The following NPHP4 variants were observed in gnomAD, a reference collection of about 807,000 sequenced individuals.
The protein encoded by NPHP4 is nephrocystin-4.
NPHP4 carries 151 observed loss-of-function variants against 155.8 expected under a neutral mutation model. The ratio of observed to expected loss-of-function variants is 0.97; its 90% CI spans 0.85 to 1.11. The LOEUF (loss-of-function observed/expected upper bound fraction) is 1.11, where lower values mean the gene tolerates loss of function less well. Among genes scored for constraint, NPHP4 ranks in the 50% least tolerant of loss-of-function variants. The pLI, the probability that NPHP4 is intolerant of heterozygous loss-of-function variation, is 0.00. For missense variants in NPHP4, 1,956 were observed against 1,925.7 expected (o/e 1.02, Z -0.29); for synonymous variants, 845 against 816.8 (o/e 1.03, Z -0.59).
At chr1:5,912,887 C>A (rs1210234216) in intron 11 of NPHP4, among the ~76,000 whole-genome samples, 1 of 152,140 alleles carries the variant, frequency 6.6e-6, no homozygotes, top group Non-Finnish European at 1.5e-5. Flanking sequence ...GGGGAATCAG[C>A]GTCTGGCTGA....
rs780500004 is a variant in NPHP4, at chr1:5,890,935, G to A, written c.2237C>T (p.Thr746Ile). ...RCFARYLAVQ[T>I]LQIDVWDGDS... is the part of the protein sequence containing the mutation. Reference sequence around the variant, plus strand: ...TCCGTCCCAGACGTCAATCTGCAGGGTCTGCACGGCCAGGTAGCGGGCAAA... The same window carrying A: ...TCCGTCCCAGACGTCAATCTGCAGGATCTGCACGGCCAGGTAGCGGGCAAA... The change falls in exon 17 of 30, where the codon ACC becomes ATC. Residue 746 changes from threonine to isoleucine, a missense_variant. By Grantham distance (89) the Thr-to-Ile change is moderately conservative. Transcript: ENST00000378156. This position sits in a 1 kb window ranked among gnomAD's most constrained non-coding sequence, Gnocchi z 4.9. The A allele has an allele frequency of 3.7e-6, 6 of 1,608,490 alleles. No homozygotes were observed. Among genetic ancestry groups the A allele is most frequent in the Non-Finnish European group, 5.1e-6 (6 of 1,176,616 alleles).
intron 7 of NPHP4, 62 bp from the exon 8 acceptor site, chr1:5,948,313 T>C: frequency 7.6e-7 from 1 of 1,312,856 alleles, no homozygotes; most frequent in South Asian, 1.5e-5. Flanking sequence ...TCGCCAGAAG[T>C]CCCTGGGGGA....
At chr1:5,919,602 C>G (rs949569154) in intron 11 of NPHP4, among the ~76,000 whole-genome samples, 4 of 152,204 alleles carry the variant, frequency 2.6e-5, no homozygotes, top group African/African-American at 9.7e-5. Context: ...CCATCTGAGT[C>G]AGCATGCCCT....
rs182549814 is a variant in NPHP4 at position 5,940,255 on chromosome 1, G to A, written c.1119+6849C>T. On this transcript the variant is annotated intron_variant, in intron 9 of 29. Transcript: ENST00000378156. The stretch of plus-strand genomic sequence containing the variant: ...GGGAATGGGCCTCTTCTACAAGGAC[G>A]AGTTCAGCCCCCCTTTCTCTTGCTC... Among the ~76,000 whole-genome samples, 3 of 152,222 alleles carry A rather than the reference G, an allele frequency of 2.0e-5. No homozygotes were observed. In the East Asian group the frequency reaches 5.8e-4, roughly 29 times the overall value.
rs1384454273 is a variant in NPHP4 at position 5,926,710 on chromosome 1, G to A, written c.1441+939C>T. ...ATGAAGAAAACCCCTCCTGAGTGATGGAAGCACCAGCAGCTTTGTAGCAGG... is the reference window on the plus strand; with the variant it reads ...ATGAAGAAAACCCCTCCTGAGTGATAGAAGCACCAGCAGCTTTGTAGCAGG... On this transcript the variant is annotated intron_variant, in intron 11 of 29. Transcript: ENST00000378156. Among the ~76,000 whole-genome samples the A allele has an allele frequency of 1.3e-5, 2 of 152,194 alleles. 1 individual carries two copies. The highest frequency in any genetic ancestry group is 3.8e-4 in the East Asian group (2 of 5,198).
At chr1:5,879,064 G>A (rs1251817309) in intron 19 of NPHP4, among the ~76,000 whole-genome samples, 2 of 152,182 alleles carry the variant, frequency 1.3e-5, no homozygotes, top group African/African-American at 4.8e-5. Context: ...AGCCCCTCAT[G>A]TCTGCTCCCA....
rs1557700402 is a variant in NPHP4 at position 5,905,642 on chromosome 1, G to A, written c.1753C>T (p.Gln585Ter). 6.2e-7 allele frequency: 1 copy of A among 1,613,906 alleles called. No homozygotes were observed. The highest frequency in any genetic ancestry group is 8.5e-7 in the Non-Finnish European group (1 of 1,179,860). The part of the protein sequence containing the change: ...PLHAPIVVGT[Q>*]TRSSAGQPSR... ...AGACCCACACCTCACCTCCTGGTCT[G>A]GGTTCCCACAACAATAGGGGCATGC... Residue 585 changes from glutamine to a stop codon, truncating the protein, a stop_gained, in exon 14 of 30, where the codon CAG becomes TAG. Coordinates refer to ENST00000378156, the MANE Select transcript of NPHP4 (RefSeq NM_015102.5). LOFTEE classifies it high-confidence loss of function. This position sits in a 1 kb window ranked among gnomAD's most constrained non-coding sequence, Gnocchi z 4.0.
At chr1:5,877,019 G>T in intron 20 of NPHP4, 74 bp downstream of exon 20, 1 of 1,001,468 alleles carries the variant, frequency 1.0e-6, no homozygotes, top group Non-Finnish European at 1.3e-6. Flanking sequence ...CATGTGGGAG[G>T]CAGGGAAAGG....
intron 9 of NPHP4, among the ~76,000 whole-genome samples, chr1:5,941,396 C>G (rs1646809647): frequency 6.7e-6 from 1 of 149,574 alleles, no homozygotes; most frequent in East Asian, 2.0e-4. Flanking sequence ...TTTTCCCTGA[C>G]TCAAAATCCA....
intron 9 of NPHP4, 86 bp downstream of exon 9, chr1:5,947,018 G>T: frequency 7.1e-7 from 1 of 1,411,848 alleles, no homozygotes. Flanking sequence ...TGTTTTTAAT[G>T]GAAAAAGCAT....
At chr1:5,874,788 C>T in intron 21 of NPHP4, 86 bp downstream of exon 21, 1 of 1,537,892 alleles carries the variant, frequency 6.5e-7, no homozygotes, top group Non-Finnish European at 8.9e-7. Context: ...GGCTCTCGGG[C>T]AGAATTCGAG....
chr1:5,921,269 C>T (rs548175437), intron 11 of NPHP4, among the ~76,000 whole-genome samples: 1 of 152,364 alleles, frequency 6.6e-6, no homozygotes, highest in African/African-American at 2.4e-5. Context: ...TTTATCCATT[C>T]CCTGACTGGG....
rs555681729 is a variant in NPHP4, at chr1:5,917,504, C to T, written c.1442-8291G>A. Among the ~76,000 whole-genome samples the T allele has an allele frequency of 2.0e-5, 3 of 152,322 alleles. No individual in the cohort carries two copies. In the South Asian group the frequency reaches 6.2e-4, roughly 32 times the overall value. ...GGGATCCAGCCATGCCTAACATCAG[C>T]TCTACCTCTAGGCTTTTCTGACACA... is the stretch of plus-strand genomic sequence containing the variant. On this transcript the variant is annotated intron_variant, in intron 11 of 29. Coordinates refer to ENST00000378156, the MANE Select transcript of NPHP4 (RefSeq NM_015102.5).
intron 11 of NPHP4, among the ~76,000 whole-genome samples, chr1:5,913,105 C>T (rs150680594): frequency 0.027 from 4,097 of 149,350 alleles, 183 homozygotes; most frequent in African/African-American, 0.096. Flanking sequence ...GAGCAGAGAT[C>T]GCGCCACTGC....
chr1:5,946,540 G>C (rs1298494079), intron 9 of NPHP4, among the ~76,000 whole-genome samples: 1 of 152,236 alleles, frequency 6.6e-6, no homozygotes. Context: ...CCAGCCAGCA[G>C]AATGCACCTG....
chr1:5,969,337 G>A (rs1300176534), intron 3 of NPHP4, 78 bp from the exon 4 acceptor site: 6 of 918,910 alleles, frequency 6.5e-6, no homozygotes, highest in Non-Finnish European at 7.8e-6. Flanking sequence ...CCCCACCCCC[G>A]AGACCGCCTT....
chr1:5,875,677 T>A (rs922498628), intron 20 of NPHP4, among the ~76,000 whole-genome samples: 1 of 152,228 alleles, frequency 6.6e-6, no homozygotes, highest in African/African-American at 2.4e-5. Flanking sequence ...GGTTGGAGAC[T>A]GGCCTGTTTT....
chr1:5,880,544 C>T (rs1372373530), intron 18 of NPHP4: 1 of 363,502 alleles, frequency 2.8e-6, no homozygotes, highest in Non-Finnish European at 5.2e-6. Flanking sequence ...TTCTGGATCT[C>T]TGGGTCGCAA....
At position 5,863,997 on chromosome 1, in the gene NPHP4, C is replaced by T. The variant is rs1237040821; in HGVS notation, c.4033G>A (p.Gly1345Ser). ...EIMLAAGEGK[G>S]VNKRITYTNP... is the part of the protein sequence containing the mutation. ...GTGTAGGTGATCCTCTTGTTGACAC[C>T]CTTCCCTTCGCCCGCAGCCAACATG... Residue 1345 changes from glycine to serine, a missense_variant, in exon 29 of 30, where the codon GGT (glycine) becomes AGT (serine). Gly to Ser is a moderately conservative substitution (Grantham distance 56). Coordinates refer to ENST00000378156, the MANE Select transcript of NPHP4 (RefSeq NM_015102.5). 6.2e-7 allele frequency: 1 copy of T among 1,613,734 alleles called. No homozygotes were observed. Among genetic ancestry groups the T allele is most frequent in the Non-Finnish European group, 8.5e-7 (1 of 1,179,760 alleles).
Sources: allele counts gnomAD v4.1 joint callset (sites outside exome capture counted in the v4.1 genomes callset), GRCh38; gene constraint gnomAD v4.1.1; non-coding constraint Gnocchi (gnomAD v3.1); transcripts MANE v1.5; gene names NCBI Gene and HGNC (gene_info 2026-07-23, HGNC 2026-07-21).